MAP3K13: variants seen among roughly 807,000 people sequenced by gnomAD.
MAP3K13 encodes mitogen-activated protein kinase kinase kinase 13, also known as leucine zipper-bearing kinase.
Under a neutral mutation model 104.0 loss-of-function variants are expected in MAP3K13, and 52 were observed. That is an observed-to-expected ratio of 0.50 (90% CI 0.40 to 0.63). The LOEUF (loss-of-function observed/expected upper bound fraction) is 0.63. Ranked by LOEUF, MAP3K13 falls within the 20% of genes least tolerant of loss-of-function variation. The pLI, the probability that MAP3K13 is intolerant of heterozygous loss-of-function variation, is 0.00. For missense variants in MAP3K13, 914 were observed against 1,218.5 expected (o/e 0.75, Z 3.72); for synonymous variants, 394 against 442.2 (o/e 0.89, Z 1.37).
intron 2 of MAP3K13, among the ~76,000 whole-genome samples, chr3:185,338,765 A>G (rs1466000623): frequency 2.0e-5 from 3 of 152,100 alleles, no homozygotes; most frequent in African/African-American, 4.8e-5. Flanking sequence ...CCTTTAACAG[A>G]GGGAATAATT....
At chr3:185,480,610 T>C in intron 13 of MAP3K13, 81 bp downstream of exon 13, 1 of 1,407,024 alleles carries the variant, frequency 7.1e-7, no homozygotes, top group East Asian at 2.3e-5. Context: ...CTTTACAATT[T>C]TCATTTAATA....
intron 4 of MAP3K13, among the ~76,000 whole-genome samples, chr3:185,447,548 C>T (rs1211474157): frequency 7.6e-6 from 1 of 132,408 alleles, no homozygotes; most frequent in Non-Finnish European, 1.6e-5. Flanking sequence ...GCAAAGGTCA[C>T]ACAGCAAGTA....
intron 2 of MAP3K13, among the ~76,000 whole-genome samples, chr3:185,304,467 ATGTTTCCTT>A (rs1432373811): frequency 1.3e-5 from 2 of 152,156 alleles, no homozygotes; most frequent in East Asian, 3.8e-4. Context: ...CAGTCTGTCA[ATGTTTCCTT>A]TATATATTTG....
At chr3:185,455,380 T>TATGA (rs1560119330) in intron 7 of MAP3K13, among the ~76,000 whole-genome samples, 14 of 89,068 alleles carry the variant, frequency 1.6e-4, no homozygotes, top group African/African-American at 3.7e-4. Flanking sequence ...ATGATATATA[T>TATGA]GATATATATA....
At chr3:185,476,861 T>C (rs555351034) in intron 11 of MAP3K13, among the ~76,000 whole-genome samples, 1 of 152,286 alleles carries the variant, frequency 6.6e-6, no homozygotes, top group Non-Finnish European at 1.5e-5. Flanking sequence ...AAAATGTCTA[T>C]CTAACTACAT....
At chr3:185,456,596 CTTTTTT>C (rs35547697) in intron 7 of MAP3K13, among the ~76,000 whole-genome samples, 2 of 108,006 alleles carry the variant, frequency 1.9e-5, no homozygotes, top group African/African-American at 3.5e-5. Context: ...TTTGCTTCTC[CTTTTTT>C]TTTTTTTTTT....
chr3:185,400,147 A>G (rs1577510999), intron 1 of MAP3K13, among the ~76,000 whole-genome samples: 1 of 151,980 alleles, frequency 6.6e-6, no homozygotes, highest in Admixed American at 6.5e-5. Context: ...CCTCGAATCC[A>G]CCTTTCCAGC....
At chr3:185,420,275 C>G (rs984368106) in intron 1 of MAP3K13, among the ~76,000 whole-genome samples, 1 of 152,098 alleles carries the variant, frequency 6.6e-6, no homozygotes, top group Non-Finnish European at 1.5e-5. Context: ...GATAAAGGCA[C>G]GATTGTAGGC....
At chr3:185,462,484 A>G (rs757161650) in intron 7 of MAP3K13, among the ~76,000 whole-genome samples, 16 of 152,332 alleles carry the variant, frequency 1.1e-4, no homozygotes, top group Non-Finnish European at 2.2e-4. Flanking sequence ...TTTAAAAAAC[A>G]AAACAGGGCC....
intron 2 of MAP3K13, among the ~76,000 whole-genome samples, chr3:185,307,387 A>T (rs1288221271): frequency 6.8e-6 from 1 of 147,840 alleles, no homozygotes; most frequent in African/African-American, 2.5e-5. Context: ...CATTCTTTTT[A>T]CTTTTTGTTG....
intron 2 of MAP3K13, among the ~76,000 whole-genome samples, chr3:185,294,011 A>AT (rs563280450): frequency 6.6e-6 from 1 of 151,498 alleles, no homozygotes; most frequent in African/African-American, 2.4e-5. Context: ...TTGCTTTTTA[A>AT]TTTTTTTTTA....
At position 185,410,933 on chromosome 3, in the gene MAP3K13, T is replaced by TA. The variant is rs760936238; in HGVS notation, c.-85-17548dup. 9.2e-3 allele frequency among the ~76,000 whole-genome samples: 1,085 copies of TA among 118,496 alleles called. 12 individuals are homozygous for TA. Among genetic ancestry groups the TA allele is most frequent in the African/African-American group, 0.029 (919 of 32,218 alleles). 77.7% of individuals were successfully genotyped at this position (118,496 alleles called of 152,430 possible). On this transcript the variant is annotated intron_variant, in intron 1 of 13. Transcript: ENST00000265026. ...CTGGGTGACAGAGCAAGACTCTGTCTAAAAAAAAAAAAAAAAGGTTCAGCA... is the reference window on the plus strand; with the variant it reads ...CTGGGTGACAGAGCAAGACTCTGTCTAAAAAAAAAAAAAAAAAGGTTCAGCA...
intron 2 of MAP3K13, among the ~76,000 whole-genome samples, chr3:185,308,004 G>A (rs1275381082): frequency 2.3e-5 from 3 of 130,922 alleles, no homozygotes; most frequent in Non-Finnish European, 4.8e-5. Context: ...TCATTTCTTT[G>A]GGGTCTTTTT....
chr3:185,471,455 T>TC (rs1202690822), intron 10 of MAP3K13, among the ~76,000 whole-genome samples: 1 of 92,524 alleles, frequency 1.1e-5, no homozygotes, highest in African/African-American at 3.3e-5. Flanking sequence ...CCTTTACTTT[T>TC]TTTTTTTTTT....
intron 2 of MAP3K13, among the ~76,000 whole-genome samples, chr3:185,354,611 G>A (rs548735595): frequency 1.9e-4 from 28 of 150,012 alleles, no homozygotes; most frequent in South Asian, 8.4e-4. Context: ...ATAAGTATGG[G>A]GGGGGGGCAG....
intron 2 of MAP3K13, among the ~76,000 whole-genome samples, chr3:185,295,464 A>G (rs562118323): frequency 2.0e-4 from 30 of 152,288 alleles, no homozygotes; most frequent in African/African-American, 7.0e-4. Context: ...GGGCCTCCCA[A>G]AGTGCTGGGA....
Position 185,423,096 on chromosome 3 carries a change from G to A in MAP3K13, c.-85-5401G>A, listed in dbSNP as rs1356318928. Among the ~76,000 whole-genome samples, 2 of 152,168 alleles carry A rather than the reference G, an allele frequency of 1.3e-5. No individual in the cohort carries two copies. Among genetic ancestry groups the A allele is most frequent in the African/African-American group, 4.8e-5 (2 of 41,424 alleles). On this transcript the variant is annotated intron_variant, in intron 1 of 13. Coordinates refer to ENST00000265026, the MANE Select transcript of MAP3K13 (RefSeq NM_004721.5). This position sits in a 1 kb window ranked among gnomAD's most constrained non-coding sequence, Gnocchi z 4.1. ...CCCCAGATAGGACTGTCTAGTTGCA[G>A]GAAAACAAGCTCAGGGCTCCCACTG...
intron 2 of MAP3K13, among the ~76,000 whole-genome samples, chr3:185,326,816 T>G (rs1219595079): frequency 6.6e-6 from 1 of 152,204 alleles, no homozygotes; most frequent in Admixed American, 6.5e-5. Context: ...CTTTAAAAAT[T>G]TGAAATAATC....
In MAP3K13 at chr3:185,482,335, G is replaced by A. The variant is rs1386768097; in HGVS notation, c.2800-20G>A. 1 of 1,559,348 alleles carries A rather than the reference G, an allele frequency of 6.4e-7. No homozygotes were observed. The highest frequency in any genetic ancestry group is 8.8e-7 in the Non-Finnish European group (1 of 1,130,048). On this transcript the variant is annotated intron_variant, in intron 13 of 13. Coordinates refer to ENST00000265026, the MANE Select transcript of MAP3K13 (RefSeq NM_004721.5). This position sits in a 1 kb window ranked among gnomAD's most constrained non-coding sequence, Gnocchi z 4.5. ...TGAGTGATTATCGAAATGAATTAAG[G>A]TTTTGTCTTGCCTTTGCAGAACCCC...
Sources: allele counts gnomAD v4.1 joint callset (sites outside exome capture counted in the v4.1 genomes callset), GRCh38; gene constraint gnomAD v4.1.1; non-coding constraint Gnocchi (gnomAD v3.1); transcripts MANE v1.5; gene names NCBI Gene and HGNC (gene_info 2026-07-23, HGNC 2026-07-21).